The following KRT8 variants were observed in gnomAD, a reference collection of about 807,000 sequenced individuals.
KRT8 encodes keratin, type II cytoskeletal 8.
KRT8 carries 24 observed loss-of-function variants against 43.0 expected under a neutral mutation model. The observed-to-expected ratio is 0.56, with a 90% confidence interval of 0.40 to 0.78. KRT8 has a LOEUF of 0.78. KRT8 is among the 30% of genes least tolerant of loss of function. KRT8 has a pLI of 0.00. For missense variants in KRT8, 492 were observed against 638.4 expected, an observed-to-expected ratio of 0.77 and a Z score of 2.47; for synonymous variants, 214 against 261.2, an observed-to-expected ratio of 0.82 and a Z score of 1.74.
upstream of KRT8, chr12:52,905,199 TGGG>T: frequency 1.2e-6 from 1 of 811,966 alleles, no homozygotes; most frequent in Non-Finnish European, 1.9e-6. Flanking sequence ...AGGACTCAGG[TGGG>T]GGCAGCAGAG....
chr12:52,929,432 G>A (rs1262908573), intron 2 of KRT8, among the ~76,000 whole-genome samples: 2 of 152,110 alleles, frequency 1.3e-5, no homozygotes, highest in Non-Finnish European at 2.9e-5. Context: ...GACCTCAGGT[G>A]ATCTGCCCAC....
intron 2 of KRT8, among the ~76,000 whole-genome samples, chr12:52,936,138 G>A (rs1942166358): frequency 6.6e-6 from 1 of 152,140 alleles, no homozygotes; most frequent in South Asian, 2.1e-4. Flanking sequence ...TGTAATCCCA[G>A]CTACTCGGGA....
intron 2 of KRT8, among the ~76,000 whole-genome samples, chr12:52,919,291 C>T (rs1349364774): frequency 6.6e-6 from 1 of 152,088 alleles, no homozygotes; most frequent in Non-Finnish European, 1.5e-5. Context: ...GAGACAGAGT[C>T]TCACTCTGTC....
At chr12:52,937,366 C>T (rs1441700780) in intron 2 of KRT8, among the ~76,000 whole-genome samples, 3 of 148,828 alleles carry the variant, frequency 2.0e-5, no homozygotes, top group Non-Finnish European at 3.0e-5. Context: ...GAACAAGACT[C>T]GGTCTCTAAA....
At chr12:52,940,536 G>A (rs1430443120) in intron 2 of KRT8, among the ~76,000 whole-genome samples, 1 of 151,658 alleles carries the variant, frequency 6.6e-6, no homozygotes, top group Non-Finnish European at 1.5e-5. Flanking sequence ...TATGAGGACA[G>A]AGAACAGATC....
At chr12:52,938,157 TATATA>T (rs1942203368) in intron 2 of KRT8, among the ~76,000 whole-genome samples, 1 of 34,364 alleles carries the variant, frequency 2.9e-5, no homozygotes, top group Non-Finnish European at 5.3e-5. Flanking sequence ...TATATATATA[TATATA>T]TATATATATT....
chr12:52,941,518 C>T (rs184042986), intron 2 of KRT8, among the ~76,000 whole-genome samples: 8,440 of 101,594 alleles, frequency 0.083, 1,214 homozygotes, highest in African/African-American at 0.3. Flanking sequence ...GACAGTGTTT[C>T]ACTCTTGTTA....
intron 2 of KRT8, among the ~76,000 whole-genome samples, chr12:52,925,876 G>A (rs1410959103): frequency 1.3e-5 from 2 of 152,182 alleles, no homozygotes; most frequent in East Asian, 1.9e-4. Context: ...CCAGGGCTGC[G>A]TTTCTCTCCC....
chr12:52,900,802 T>C (rs950034099), intron 3 of KRT8, 119 bp from the exon 4 acceptor site: 21 of 730,968 alleles, frequency 2.9e-5, no homozygotes, highest in African/African-American at 2.6e-4. Context: ...ACTTTGTGGA[T>C]TGATCTTCCA....
upstream of KRT8, chr12:52,906,900 A>G: frequency 2.6e-6 from 1 of 382,308 alleles, no homozygotes. Context: ...ACCCAGAAGG[A>G]CAGAGAGACC....
chr12:52,942,798 G>C (rs1565734689), intron 2 of KRT8, among the ~76,000 whole-genome samples: 1 of 152,038 alleles, frequency 6.6e-6, no homozygotes, highest in East Asian at 1.9e-4. Flanking sequence ...CTGCTGTTGG[G>C]ATCTCAAGAC....
chr12:52,942,093 A>G (rs1942277044), intron 2 of KRT8, among the ~76,000 whole-genome samples: 1 of 151,980 alleles, frequency 6.6e-6, no homozygotes, highest in Non-Finnish European at 1.5e-5. Flanking sequence ...ATTATTGTCT[A>G]GTTGTATTTA....
At chr12:52,898,981 C>A in intron 5 of KRT8, 82 bp from the exon 6 acceptor site, 12 of 1,219,708 alleles carry the variant, frequency 9.8e-6, no homozygotes, top group Non-Finnish European at 1.4e-5. Context: ...TCAGGGTCCT[C>A]CCCACCACCA....
At chr12:52,943,205 CGCT>C (rs1942293831) in intron 2 of KRT8, among the ~76,000 whole-genome samples, 2 of 151,880 alleles carry the variant, frequency 1.3e-5, no homozygotes, top group African/African-American at 4.8e-5. Context: ...TCCTGTCCGT[CGCT>C]GATAAACTGC....
In KRT8 at chr12:52,938,176, T is replaced by A. The variant is rs1352728869; in HGVS notation, c.-47+11280A>T. ...TATATATATATATATATATATTTTT[T>A]TTTTTTTTTATATATAAGGTCTTGC... is the stretch of plus-strand genomic sequence containing the variant. On this transcript the variant is annotated intron_variant, in intron 2 of 6. Transcript: ENST00000546826. 9.8e-3 allele frequency among the ~76,000 whole-genome samples: 465 copies of A among 47,222 alleles called. 3 individuals are homozygous for A. Among genetic ancestry groups the A allele is most frequent in the African/African-American group, 0.024 (273 of 11,372 alleles). The allele number at this position is 47,222 out of a possible 152,430, so 31.0% of individuals were successfully genotyped here. A position where few individuals can be genotyped will look rare whatever the true frequency, so the allele number is the denominator to read the frequency against.
exon 2 of KRT8, chr12:52,901,981 A>G (rs1265482543): frequency 1.2e-6 from 2 of 1,605,350 alleles, no homozygotes; most frequent in South Asian, 2.2e-5. Context: ...GCTCTCGAAC[A>G]TGTTGTCCAT....
At chr12:52,933,745 C>T (rs1390074234) in intron 2 of KRT8, among the ~76,000 whole-genome samples, 1 of 152,004 alleles carries the variant, frequency 6.6e-6, no homozygotes, top group Non-Finnish European at 1.5e-5. Context: ...TTGCCTCAAC[C>T]TCCTGAGTAG....
chr12:52,924,175 G>A (rs1009078809), intron 2 of KRT8, among the ~76,000 whole-genome samples: 23 of 152,230 alleles, frequency 1.5e-4, no homozygotes, highest in African/African-American at 4.6e-4. Flanking sequence ...TAGGCCAGGC[G>A]CAGTGGCTCA....
At chr12:52,898,374 G>T in intron 7 of KRT8, 87 bp downstream of exon 7, 1 of 1,142,300 alleles carries the variant, frequency 8.8e-7, no homozygotes, top group South Asian at 1.3e-5. Context: ...AGGTCACTGT[G>T]AGCGACTGAG....
Sources: gnomAD v4.1 joint callset for allele counts (sites outside exome capture counted in the v4.1 genomes callset) on GRCh38, gnomAD v4.1.1 for gene constraint, MANE v1.5 for transcripts, NCBI Gene and HGNC (gene_info 2026-07-23, HGNC 2026-07-21) for gene names.